Variants in LCP1 observed in about 807,000 individuals in gnomAD.
LCP1 encodes plastin-2.
In LCP1, 23 loss-of-function variants were observed where a neutral mutation model predicts 72.0. The observed-to-expected ratio is 0.32, with a 90% CI of 0.23 to 0.45. The LOEUF (loss-of-function observed/expected upper bound fraction) is 0.45. Among genes scored for constraint, LCP1 ranks in the 20% least tolerant of loss-of-function variants. The pLI, the probability that LCP1 is intolerant of heterozygous loss-of-function variation, is 1.00. For synonymous variants in LCP1, 245 were observed against 275.4 expected (o/e 0.89, Z 1.09); for missense variants, 571 against 748.3 (o/e 0.76, Z 2.76).
rs2045798396 is a variant in LCP1 at position 46,155,902 on chromosome 13, T to C, written c.491+536A>G. Among the ~76,000 whole-genome samples, 3 of 152,334 alleles carry C rather than the reference T, an allele frequency of 2.0e-5. No homozygotes were observed. The South Asian group carries it at 6.2e-4, about 32-fold the overall frequency. On this transcript the variant is annotated intron_variant, in intron 5 of 15. Transcript: ENST00000323076. Reference sequence around the variant, plus strand: ...CTGCTATTATCAATTCTATCTGCTTTCATGGTGAGCCACGCTCAGATGAAG... The same window carrying C: ...CTGCTATTATCAATTCTATCTGCTTCCATGGTGAGCCACGCTCAGATGAAG...
intron 9 of LCP1, among the ~76,000 whole-genome samples, chr13:46,148,012 T>C (rs1275849393): frequency 1.3e-5 from 2 of 152,208 alleles, no homozygotes; most frequent in Non-Finnish European, 2.9e-5. Flanking sequence ...CAAAGAGACT[T>C]CTCAAGATCA....
Position 46,156,477 on chromosome 13 carries a change from T to C in LCP1, c.452A>G (p.Asn151Ser), listed in dbSNP as rs1299302553. The C allele has an allele frequency of 1.5e-5, 24 of 1,614,198 alleles. No individual in the cohort carries two copies. The highest frequency in any genetic ancestry group is 1.4e-5 in the Non-Finnish European group (16 of 1,180,012). Residue 151 changes from asparagine (N) to serine (S), a missense_variant, in exon 5 of 16, where the codon AAT becomes AGT. By Grantham distance (46) the Asn-to-Ser change is conservative. Coordinates refer to ENST00000323076, the MANE Select transcript of LCP1 (RefSeq NM_002298.5). ...ATCTCCAACAGCATTAAAGAGATCA[T>C]TCGTGTTTGGGTTCATTGGGATGAC... ...RHVIPMNPNTNDLFNAVGDGI... is the reference protein window; with the variant it reads ...RHVIPMNPNTSDLFNAVGDGI...
At chr13:46,145,913 A>G (rs2045727789) in intron 10 of LCP1, among the ~76,000 whole-genome samples, 1 of 56,612 alleles carries the variant, frequency 1.8e-5, no homozygotes, top group South Asian at 3.6e-4. Context: ...CGTCTCAAAA[A>G]AAAAAAAAAA....
chr13:46,130,730 A>G (rs1313584263), intron 15 of LCP1, 84 bp downstream of exon 15: 2 of 1,464,634 alleles, frequency 1.4e-6, no homozygotes, highest in East Asian at 4.7e-5. Flanking sequence ...GTTTGTATAA[A>G]GGCATGAGCA....
At chr13:46,174,948 A>T (rs2045921998) in intron 1 of LCP1, among the ~76,000 whole-genome samples, 1 of 152,296 alleles carries the variant, frequency 6.6e-6, no homozygotes, top group Non-Finnish European at 1.5e-5. Flanking sequence ...CAACTAGTGG[A>T]TCATGTTAGA....
chr13:46,172,221 C>T (rs948473215), intron 1 of LCP1, among the ~76,000 whole-genome samples: 10 of 152,184 alleles, frequency 6.6e-5, no homozygotes, highest in Admixed American at 2.0e-4. Context: ...TGGTGGCTCA[C>T]GCCTGTAATC....
At chr13:46,139,042 G>T (rs189384008) in intron 13 of LCP1, among the ~76,000 whole-genome samples, 46 of 152,250 alleles carry the variant, frequency 3.0e-4, no homozygotes, top group Middle Eastern at 3.4e-3. Context: ...AAGGACTTTT[G>T]CTTTGGTTTT....
At chr13:46,142,832 AGCTAC>A (rs1352192653) in intron 12 of LCP1, 2 of 454,818 alleles carry the variant, frequency 4.4e-6, no homozygotes, top group Non-Finnish European at 8.8e-6. Flanking sequence ...ATATTCCTGT[AGCTAC>A]GCATGGATCA....
rs573050252 is a variant in LCP1, at chr13:46,144,366, C to T, written c.1253+76G>A. The T allele has an allele frequency of 6.7e-5, 75 of 1,122,338 alleles. No individual in the cohort carries two copies. In the East Asian group the frequency reaches 1.8e-3, roughly 26 times the overall value. 69.5% of individuals were successfully genotyped at this position (1,122,338 alleles called of 1,614,324 possible). A position where few individuals can be genotyped will look rare whatever the true frequency, so the allele number is the denominator to read the frequency against. ...CACATTTTGTGAAGAGAATGCACAT[C>T]ATAGTGGTATTTGGAATCCTATGGC... is the stretch of plus-strand genomic sequence containing the variant. On this transcript the variant is annotated intron_variant, in intron 11 of 15. Transcript: ENST00000323076.
chr13:46,176,148 T>C (rs564133834), intron 1 of LCP1, among the ~76,000 whole-genome samples: 1 of 152,186 alleles, frequency 6.6e-6, no homozygotes, highest in South Asian at 2.1e-4. Flanking sequence ...TATAGCACTA[T>C]AGGATAACTA....
intron 7 of LCP1, 125 bp from the exon 8 acceptor site, chr13:46,151,203 G>A (rs945994697): frequency 2.3e-6 from 2 of 863,082 alleles, no homozygotes. Flanking sequence ...TGGGGTAAAG[G>A]TTCTTGTAGC....
In LCP1 at chr13:46,151,005, C is replaced by A; in HGVS notation, c.813G>T (p.Leu271=). ...TTTCCAGGTGGTAATTAGCCCACCT[C>A]AGCAAGAGCTCTTCAGGGGAGAGTT... is the stretch of plus-strand genomic sequence containing the variant. The part of the protein sequence containing the change: ...LMKLSPEELL[L]RWANYHLENA... Residue 271 remains leucine, a synonymous_variant, in exon 8 of 16, where the codon CTG becomes CTT. Coordinates refer to ENST00000323076, the MANE Select transcript of LCP1 (RefSeq NM_002298.5). The A allele has an allele frequency of 6.2e-7, 1 of 1,614,040 alleles. No homozygotes were observed. Among genetic ancestry groups the A allele is most frequent in the Non-Finnish European group, 8.5e-7 (1 of 1,179,926 alleles).
At chr13:46,175,608 C>T (rs2045925515) in intron 1 of LCP1, among the ~76,000 whole-genome samples, 1 of 151,660 alleles carries the variant, frequency 6.6e-6, no homozygotes, top group Non-Finnish European at 1.5e-5. Context: ...GTGAACATCA[C>T]CAGGTAGATG....
chr13:46,179,754 G>A (rs1206235793), intron 1 of LCP1, among the ~76,000 whole-genome samples: 1 of 152,086 alleles, frequency 6.6e-6, no homozygotes, highest in Non-Finnish European at 1.5e-5. Context: ...CAGTGGCGGG[G>A]GAGGGGATGG....
chr13:46,159,278 T>C (rs929395844), intron 2 of LCP1: 2 of 519,044 alleles, frequency 3.9e-6, no homozygotes, highest in East Asian at 6.4e-5. Context: ...GGTTTAGTGA[T>C]AAAGAGTAAG....
At chr13:46,149,731 C>A (rs1013827646) in intron 8 of LCP1, among the ~76,000 whole-genome samples, 5 of 152,180 alleles carry the variant, frequency 3.3e-5, no homozygotes, top group African/African-American at 1.2e-4. Context: ...TCCCAAAGCA[C>A]AAAATGGTGG....
intron 1 of LCP1, among the ~76,000 whole-genome samples, chr13:46,169,084 G>T (rs541652563): frequency 1.3e-5 from 2 of 152,288 alleles, no homozygotes; most frequent in Non-Finnish European, 1.5e-5. Context: ...CAAGTTAAAG[G>T]ACATGCCTAA....
At chr13:46,156,400 G>A (rs976152356) in intron 5 of LCP1, 38 bp downstream of exon 5, 4 of 1,605,752 alleles carry the variant, frequency 2.5e-6, no homozygotes, top group Non-Finnish European at 3.4e-6. Flanking sequence ...CTAGAAAATG[G>A]GCAATTCTTT....
At chr13:46,136,581 G>A (rs534416356) in intron 13 of LCP1, among the ~76,000 whole-genome samples, 1 of 152,270 alleles carries the variant, frequency 6.6e-6, no homozygotes, top group East Asian at 1.9e-4. Context: ...AATGGGGTAA[G>A]TGCAGATAGA....
Sources: gnomAD v4.1 joint callset for allele counts (sites outside exome capture counted in the v4.1 genomes callset) on GRCh38, gnomAD v4.1.1 for gene constraint, MANE v1.5 for transcripts, NCBI Gene and HGNC (gene_info 2026-07-23, HGNC 2026-07-21) for gene names.